Variants in NR5A2 observed in about 807,000 individuals in gnomAD.
The protein encoded by NR5A2 is CYP7A promoter-binding factor.
In NR5A2, 26 loss-of-function variants were observed where a neutral mutation model predicts 62.7. The observed-to-expected ratio is 0.41, with a 90% confidence interval of 0.30 to 0.58. The LOEUF (loss-of-function observed/expected upper bound fraction) is 0.58. Ranked by LOEUF, NR5A2 falls within the 20% of genes least tolerant of loss-of-function variation. The pLI is 0.22. For synonymous variants in NR5A2, 246 were observed against 241.7 expected (o/e 1.02, Z -0.16); for missense variants, 541 against 669.1 (o/e 0.81, Z 2.11).
At chr1:200,068,278 G>C (rs1376700191) in intron 5 of NR5A2, among the ~76,000 whole-genome samples, 1 of 152,114 alleles carries the variant, frequency 6.6e-6, no homozygotes, top group African/African-American at 2.4e-5. Context: ...ATCAAATCCA[G>C]GGATTTATCT....
intron 6 of NR5A2, among the ~76,000 whole-genome samples, chr1:200,112,435 G>A (rs1160403328): frequency 6.6e-6 from 1 of 152,088 alleles, no homozygotes; most frequent in Admixed American, 6.6e-5. Flanking sequence ...GTTCAGCAAT[G>A]GTGACTTCAG....
At chr1:200,034,204 C>CTA (rs1309189160) in intron 1 of NR5A2, among the ~76,000 whole-genome samples, 1 of 152,158 alleles carries the variant, frequency 6.6e-6, no homozygotes. Flanking sequence ...GCTTTGTGGC[C>CTA]TACTAGCGCC....
At chr1:200,070,966 AAGAG>A (rs1427755031) in intron 5 of NR5A2, among the ~76,000 whole-genome samples, 1 of 152,186 alleles carries the variant, frequency 6.6e-6, no homozygotes, top group Non-Finnish European at 1.5e-5. Flanking sequence ...AATACTTTAT[AAGAG>A]AGAGTAAAAA....
chr1:200,115,689 CTG>C (rs1666182959), intron 6 of NR5A2, among the ~76,000 whole-genome samples: 1 of 152,052 alleles, frequency 6.6e-6, no homozygotes, highest in Non-Finnish European at 1.5e-5. Context: ...GTGCTTTTCA[CTG>C]TGTACTTTCA....
intron 5 of NR5A2, among the ~76,000 whole-genome samples, chr1:200,106,231 G>A (rs1014241877): frequency 6.6e-6 from 1 of 151,952 alleles, no homozygotes; most frequent in African/African-American, 2.4e-5. Flanking sequence ...CTAATTTTTT[G>A]TATTTTTAGT....
chr1:200,118,663 G>C (rs1666351944), intron 6 of NR5A2, among the ~76,000 whole-genome samples: 1 of 152,148 alleles, frequency 6.6e-6, no homozygotes, highest in South Asian at 2.1e-4. Context: ...AGTAAAATTT[G>C]TATTATTATT....
At chr1:200,116,877 G>A (rs191489211) in intron 6 of NR5A2, among the ~76,000 whole-genome samples, 125 of 152,198 alleles carry the variant, frequency 8.2e-4, no homozygotes, top group Non-Finnish European at 1.4e-3. Flanking sequence ...GTGGGGTCAG[G>A]TTTTAGTATT....
At position 200,048,895 on chromosome 1, in the gene NR5A2, G is replaced by T. The variant is rs1662508583; in HGVS notation, c.1110+77G>T. On this transcript the variant is annotated intron_variant, in intron 5 of 7. Coordinates refer to ENST00000367362, the MANE Select transcript of NR5A2 (RefSeq NM_205860.3). The surrounding 1 kb of genome is among the most constrained non-coding windows in gnomAD (Gnocchi z 4.8). ...CTATGTTCCTAATTAATACATTCTT[G>T]GTGCTGAAAATATGTGTTCCTTAAT... The T allele has an allele frequency of 6.6e-7, 1 of 1,508,632 alleles. No individual in the cohort carries two copies. Among genetic ancestry groups the T allele is most frequent in the Non-Finnish European group, 9.0e-7 (1 of 1,108,248 alleles). 93.5% of individuals were successfully genotyped at this position (1,508,632 alleles called of 1,614,324 possible).
intron 5 of NR5A2, among the ~76,000 whole-genome samples, chr1:200,094,524 CTTTT>C (rs373809748): frequency 6.7e-5 from 4 of 59,810 alleles, no homozygotes; most frequent in African/African-American, 7.4e-5. Flanking sequence ...TTAAATGCCA[CTTTT>C]TTTTTTTTTT....
chr1:200,155,849 T>C (rs1190035223), intron 7 of NR5A2, among the ~76,000 whole-genome samples: 1 of 152,070 alleles, frequency 6.6e-6, no homozygotes, highest in East Asian at 1.9e-4. Context: ...AATTTTTGTA[T>C]TTTTAGTAGA....
At chr1:200,161,569 G>C (rs1653644718) in intron 7 of NR5A2, among the ~76,000 whole-genome samples, 1 of 152,138 alleles carries the variant, frequency 6.6e-6, no homozygotes, top group Non-Finnish European at 1.5e-5. Context: ...AAAATACTCA[G>C]ATTACCACTT....
chr1:200,087,666 A>G (rs1188885804), intron 5 of NR5A2, among the ~76,000 whole-genome samples: 4 of 152,140 alleles, frequency 2.6e-5, no homozygotes, highest in African/African-American at 9.7e-5. Flanking sequence ...AAGTGCTGGG[A>G]TTACAGGAGT....
intron 7 of NR5A2, among the ~76,000 whole-genome samples, chr1:200,133,261 T>C (rs943220339): frequency 6.6e-6 from 1 of 152,014 alleles, no homozygotes; most frequent in Non-Finnish European, 1.5e-5. Flanking sequence ...TGCTGCATGC[T>C]GGGTACCCTG....
intron 7 of NR5A2, among the ~76,000 whole-genome samples, chr1:200,124,092 C>A (rs67404737): frequency 0.042 from 6,377 of 152,134 alleles, 347 homozygotes; most frequent in East Asian, 0.25. Flanking sequence ...GTGTGAGCCA[C>A]CACGCCTGGC....
At chr1:200,103,288 TA>T (rs1300943405) in intron 5 of NR5A2, among the ~76,000 whole-genome samples, 1 of 152,022 alleles carries the variant, frequency 6.6e-6, no homozygotes, top group East Asian at 1.9e-4. Flanking sequence ...CACGCTGGGC[TA>T]ATTTTTTGTA....
intron 5 of NR5A2, among the ~76,000 whole-genome samples, chr1:200,092,474 G>T (rs1558132770): frequency 6.6e-6 from 1 of 152,086 alleles, no homozygotes; most frequent in Non-Finnish European, 1.5e-5. Context: ...CTTACTCCGG[G>T]ATGAAATCAA....
intron 5 of NR5A2, among the ~76,000 whole-genome samples, chr1:200,109,285 T>TGTAA (rs1665829504): frequency 6.6e-6 from 1 of 152,240 alleles, no homozygotes; most frequent in African/African-American, 2.4e-5. Flanking sequence ...CTTCAATTTC[T>TGTAA]GTAAGTAATT....
At chr1:200,121,066 C>A in intron 7 of NR5A2, 111 bp downstream of exon 7, 1 of 1,107,462 alleles carries the variant, frequency 9.0e-7, no homozygotes, top group Non-Finnish European at 1.3e-6. Flanking sequence ...TAATGCCCTT[C>A]CTGTCAAATT....
intron 7 of NR5A2, among the ~76,000 whole-genome samples, chr1:200,132,378 C>T (rs557243632): frequency 3.3e-5 from 5 of 152,098 alleles, no homozygotes; most frequent in Non-Finnish European, 7.4e-5. Context: ...ATTTTGGATC[C>T]CCAGGACACT....
Sources: gnomAD v4.1 joint callset for allele counts (sites outside exome capture counted in the v4.1 genomes callset) on GRCh38, gnomAD v4.1.1 for gene constraint, Gnocchi (gnomAD v3.1) non-coding constraint, MANE v1.5 for transcripts, NCBI Gene and HGNC (gene_info 2026-07-23, HGNC 2026-07-21) for gene names.